XKR4: variants seen among roughly 807,000 people sequenced by gnomAD.
XKR4 encodes XK related 4, also known as XK-related protein 4.
XKR4 carries 12 observed loss-of-function variants against 53.9 expected under a neutral mutation model. That is an observed-to-expected ratio of 0.22 (90% CI 0.14 to 0.36). The LOEUF is 0.36. Ranked by LOEUF, XKR4 falls within the 10% of genes least tolerant of loss-of-function variation. XKR4 has a pLI of 1.00. For missense variants in XKR4, 799 were observed against 859.5 expected, an observed-to-expected ratio of 0.93 and a Z score of 0.88; for synonymous variants, 354 against 362.4, an observed-to-expected ratio of 0.98 and a Z score of 0.26.
At chr8:55,369,501 A>G (rs1172743930) in intron 2 of XKR4, among the ~76,000 whole-genome samples, 1 of 134,202 alleles carries the variant, frequency 7.5e-6, no homozygotes, top group Non-Finnish European at 1.6e-5. Flanking sequence ...AAAGAAAAGA[A>G]AAGAAAGAAA....
At chr8:55,172,431 G>A (rs1213509060) in intron 1 of XKR4, among the ~76,000 whole-genome samples, 2 of 151,712 alleles carry the variant, frequency 1.3e-5, no homozygotes, top group Non-Finnish European at 2.9e-5. Context: ...GCTCCAAATT[G>A]GTAAAAAATG....
intron 1 of XKR4, among the ~76,000 whole-genome samples, chr8:55,197,737 G>T (rs1465850203): frequency 6.6e-6 from 1 of 152,040 alleles, no homozygotes; most frequent in East Asian, 1.9e-4. Flanking sequence ...TAGAGACAGG[G>T]TTTCATTGTG....
chr8:55,118,290 G>A (rs1220520294), intron 1 of XKR4, among the ~76,000 whole-genome samples: 2 of 152,190 alleles, frequency 1.3e-5, no homozygotes, highest in East Asian at 3.8e-4. Flanking sequence ...CCATTCCCAT[G>A]TGAATAGTAC....
At chr8:55,115,346 G>C (rs959266915) in intron 1 of XKR4, among the ~76,000 whole-genome samples, 3 of 151,288 alleles carry the variant, frequency 2.0e-5, no homozygotes, top group Non-Finnish European at 4.4e-5. Context: ...GTATAGCAAG[G>C]GTTGTTGCTT....
chr8:55,355,004 A>G (rs1803778104), intron 1 of XKR4, among the ~76,000 whole-genome samples: 1 of 151,804 alleles, frequency 6.6e-6, no homozygotes, highest in African/African-American at 2.4e-5. Flanking sequence ...CCTGGGTTCA[A>G]GTGATTCTCC....
intron 2 of XKR4, among the ~76,000 whole-genome samples, chr8:55,490,919 A>G (rs576129234): frequency 1.6e-5 from 2 of 128,668 alleles, no homozygotes; most frequent in Admixed American, 7.8e-5. Context: ...ATTTCTTCCA[A>G]TATTTTTTCT....
At chr8:55,253,165 G>C (rs1303559336) in intron 1 of XKR4, among the ~76,000 whole-genome samples, 1 of 152,118 alleles carries the variant, frequency 6.6e-6, no homozygotes, top group African/African-American at 2.4e-5. Flanking sequence ...TGGGTGATCT[G>C]AAAATTTTAC....
chr8:55,429,569 G>A (rs1367819981), intron 2 of XKR4, among the ~76,000 whole-genome samples: 3 of 151,844 alleles, frequency 2.0e-5, no homozygotes, highest in Non-Finnish European at 2.9e-5. Flanking sequence ...TTTTAAATTA[G>A]CCAGGTGTGG....
chr8:55,229,174 G>C (rs1245495175), intron 1 of XKR4, among the ~76,000 whole-genome samples: 1 of 152,176 alleles, frequency 6.6e-6, no homozygotes, highest in African/African-American at 2.4e-5. Flanking sequence ...TGTTTGTAAG[G>C]CAGGCAGCAG....
At chr8:55,105,412 G>A (rs10504186) in intron 1 of XKR4, among the ~76,000 whole-genome samples, 126,759 of 151,890 alleles carry the variant, frequency 0.83, 52,970 homozygotes, top group East Asian at 0.93. Flanking sequence ...AAAGAAAACC[G>A]CAGGCTGTCA....
In XKR4 at chr8:55,541,090, T is replaced by C. The variant is rs888473189; in HGVS notation, c.*16863T>C. 2 of 152,222 alleles carry C rather than the reference T, an allele frequency of 1.3e-5. No homozygotes were observed. 9.4% of individuals were successfully genotyped at this position (152,222 alleles called of 1,614,324 possible). On this transcript the variant is annotated 3_prime_UTR_variant, in exon 3 of 3. Transcript: ENST00000327381. ...TTCTTAATTCTCCAGTTATTTTAAG[T>C]AAATAAGTTTCACATCTAACTACCT...
intron 2 of XKR4, among the ~76,000 whole-genome samples, chr8:55,474,253 T>C (rs1185853713): frequency 6.6e-6 from 1 of 152,112 alleles, no homozygotes; most frequent in African/African-American, 2.4e-5. Flanking sequence ...AACTTACTGA[T>C]CACTGATGGA....
At chr8:55,214,647 C>G (rs1817776910) in intron 1 of XKR4, among the ~76,000 whole-genome samples, 1 of 152,182 alleles carries the variant, frequency 6.6e-6, no homozygotes. Context: ...TGAAGTTTTG[C>G]ATCCCTGTAA....
At chr8:55,387,429 G>T (rs1241780719) in intron 2 of XKR4, among the ~76,000 whole-genome samples, 1 of 152,144 alleles carries the variant, frequency 6.6e-6, no homozygotes, top group African/African-American at 2.4e-5. Context: ...TGTCCCCTTT[G>T]GCAGAGATGC....
intron 2 of XKR4, among the ~76,000 whole-genome samples, chr8:55,379,160 T>C (rs1804195497): frequency 6.6e-6 from 1 of 152,144 alleles, no homozygotes; most frequent in Non-Finnish European, 1.5e-5. Context: ...ATCCTGCTGG[T>C]GGCCGGGAAG....
intron 1 of XKR4, among the ~76,000 whole-genome samples, chr8:55,271,552 CCT>C (rs1254677402): frequency 1.3e-5 from 2 of 152,206 alleles, no homozygotes; most frequent in East Asian, 1.9e-4. Flanking sequence ...GTCACCATCC[CCT>C]GAGTTTGGCA....
At chr8:55,290,272 G>A (rs898642695) in intron 1 of XKR4, among the ~76,000 whole-genome samples, 1 of 151,930 alleles carries the variant, frequency 6.6e-6, no homozygotes, top group African/African-American at 2.4e-5. Flanking sequence ...TGGGACTATA[G>A]GCGCCAGCCA....
chr8:55,320,466 T>C (rs1458968152), intron 1 of XKR4, among the ~76,000 whole-genome samples: 1 of 152,186 alleles, frequency 6.6e-6, no homozygotes, highest in Non-Finnish European at 1.5e-5. Context: ...CTCTGAGTAG[T>C]AGCTTGTTTT....
intron 2 of XKR4, chr8:55,450,942 C>A: frequency 6.1e-6 from 3 of 492,742 alleles, no homozygotes; most frequent in South Asian, 1.9e-5. Flanking sequence ...CTCCAGCAAG[C>A]GCAGGAAGGA....
Sources: allele counts gnomAD v4.1 joint callset (sites outside exome capture counted in the v4.1 genomes callset), GRCh38; gene constraint gnomAD v4.1.1; transcripts MANE v1.5; gene names NCBI Gene and HGNC (gene_info 2026-07-23, HGNC 2026-07-21).